MYO5A: variants seen among roughly 807,000 people sequenced by gnomAD.
MYO5A encodes unconventional myosin-Va.
A neutral mutation model predicts 249.7 loss-of-function variants in MYO5A; 98 were observed. The observed-to-expected ratio is 0.39, with a 90% CI of 0.33 to 0.46. The LOEUF (loss-of-function observed/expected upper bound fraction) is 0.46, where lower values mean the gene tolerates loss of function less well. Among genes scored for constraint, MYO5A ranks in the 20% least tolerant of loss-of-function variants. MYO5A has a pLI of 0.98. For missense variants in MYO5A, 1,696 were observed against 2,308.8 expected (o/e 0.73, Z 5.44); for synonymous variants, 778 against 810.6 (o/e 0.96, Z 0.68).
chr15:52,442,727 T>C (rs1397324412), intron 1 of MYO5A, among the ~76,000 whole-genome samples: 1 of 151,680 alleles, frequency 6.6e-6, no homozygotes, highest in Non-Finnish European at 1.5e-5. Context: ...TCTACTCCAC[T>C]ATGCCCACCC....
intron 36 of MYO5A, among the ~76,000 whole-genome samples, chr15:52,325,742 C>T (rs1250733878): frequency 1.3e-5 from 2 of 151,972 alleles, no homozygotes; most frequent in Non-Finnish European, 2.9e-5. Flanking sequence ...AATTTGAACA[C>T]TAAGGGTATC....
chr15:52,418,626 T>C (rs1486283954), intron 4 of MYO5A, among the ~76,000 whole-genome samples: 1 of 151,922 alleles, frequency 6.6e-6, no homozygotes, highest in African/African-American at 2.4e-5. Flanking sequence ...TATATGATCA[T>C]TAGGAGAAAA....
chr15:52,461,971 A>G (rs1240220825), intron 1 of MYO5A, among the ~76,000 whole-genome samples: 1 of 151,132 alleles, frequency 6.6e-6, no homozygotes, highest in Non-Finnish European at 1.5e-5. Flanking sequence ...TCTCAAAAAA[A>G]AAAAAGTTTG....
At chr15:52,330,267 G>A in intron 35 of MYO5A, 86 bp downstream of exon 35, 1 of 1,547,558 alleles carries the variant, frequency 6.5e-7, no homozygotes, top group Non-Finnish European at 8.9e-7. Context: ...AACCTACGCT[G>A]AATATCTCAA....
At chr15:52,405,967 A>G (rs1595613534) in intron 8 of MYO5A, among the ~76,000 whole-genome samples, 1 of 152,238 alleles carries the variant, frequency 6.6e-6, no homozygotes, top group South Asian at 2.1e-4. Flanking sequence ...TATAAGTCAA[A>G]GAGACGCCAA....
intron 1 of MYO5A, among the ~76,000 whole-genome samples, chr15:52,494,097 A>G (rs1175119210): frequency 2.6e-5 from 4 of 152,212 alleles, no homozygotes; most frequent in Non-Finnish European, 5.9e-5. Flanking sequence ...GGACCAGAGC[A>G]AATCAGCAAT....
At chr15:52,462,835 G>T (rs1053219051) in intron 1 of MYO5A, among the ~76,000 whole-genome samples, 1 of 147,746 alleles carries the variant, frequency 6.8e-6, no homozygotes. Flanking sequence ...GCGACAGCGA[G>T]AATCCGTCTT....
chr15:52,359,116 C>T (rs2040394134), intron 25 of MYO5A, among the ~76,000 whole-genome samples: 1 of 152,164 alleles, frequency 6.6e-6, no homozygotes, highest in South Asian at 2.1e-4. Flanking sequence ...AACTATGTAA[C>T]ATTTTTCTTC....
At chr15:52,528,234 G>C (rs969487720) in intron 1 of MYO5A, among the ~76,000 whole-genome samples, 4 of 152,168 alleles carry the variant, frequency 2.6e-5, no homozygotes, top group Non-Finnish European at 5.9e-5. Flanking sequence ...ATCTTTCCCC[G>C]GGGCTCGCCA....
At chr15:52,528,652 AGGCGCTGAAGGGGAT>A in intron 1 of MYO5A, 113 bp downstream of exon 1, 1 of 1,104,892 alleles carries the variant, frequency 9.1e-7, no homozygotes, top group Non-Finnish European at 1.2e-6. Context: ...GAGGGTTCTG[AGGCGCTGAAGGGGAT>A]GGCGCTGGTG....
At chr15:52,497,424 G>GATAAATAAATAAATAA (rs71130165) in intron 1 of MYO5A, among the ~76,000 whole-genome samples, 2 of 147,344 alleles carry the variant, frequency 1.4e-5, no homozygotes, top group Non-Finnish European at 1.5e-5. Flanking sequence ...TAAATAAATA[G>GATAAATAAATAAATAA]ATAAATAAAT....
rs777654534 is a variant in MYO5A at position 52,376,352 on chromosome 15, G to T, written c.2415C>A (p.Ala805=). Residue 805 remains alanine, a synonymous_variant, in exon 19 of 42, where the codon GCC becomes GCA. Coordinates refer to ENST00000399233, the MANE Select transcript of MYO5A (RefSeq NM_001382347.1). ...TMQRYVRGYQ[A]RCYAKFLRRT... is the part of the protein sequence containing the mutation. ...TCTGTCCCCAGGAGACCTACCATCGGGCCTGGTAGCCCCGCACGTATCTCT... is the reference window on the plus strand; with the variant it reads ...TCTGTCCCCAGGAGACCTACCATCGTGCCTGGTAGCCCCGCACGTATCTCT... The T allele has an allele frequency of 1.2e-6, 2 of 1,613,880 alleles. No homozygotes were observed. The highest frequency in any genetic ancestry group is 2.2e-5 in the South Asian group (2 of 91,060).
intron 4 of MYO5A, among the ~76,000 whole-genome samples, chr15:52,423,562 A>AAG (rs1567112476): frequency 1.3e-5 from 2 of 149,188 alleles, no homozygotes; most frequent in African/African-American, 2.5e-5. Context: ...AAAAAAAAAA[A>AAG]AAAAGAAAAC....
intron 1 of MYO5A, among the ~76,000 whole-genome samples, chr15:52,447,769 A>C (rs1476632621): frequency 1.3e-5 from 2 of 152,248 alleles, no homozygotes; most frequent in Non-Finnish European, 2.9e-5. Context: ...TGCTTTAGGA[A>C]AGAGACTGAT....
intron 31 of MYO5A, among the ~76,000 whole-genome samples, chr15:52,342,318 T>G (rs1443286901): frequency 6.6e-6 from 1 of 152,100 alleles, no homozygotes; most frequent in Non-Finnish European, 1.5e-5. Flanking sequence ...GTGATCATGC[T>G]ACTGCACTCA....
intron 16 of MYO5A, 37 bp downstream of exon 16, chr15:52,383,054 T>C (rs574439339): frequency 8.6e-6 from 13 of 1,509,070 alleles, no homozygotes; most frequent in Non-Finnish European, 1.2e-5. Flanking sequence ...TCTTATAAGA[T>C]ATGTACTTTT....
intron 1 of MYO5A, among the ~76,000 whole-genome samples, chr15:52,436,985 C>T (rs10518692): frequency 3.2e-4 from 49 of 152,202 alleles, no homozygotes; most frequent in East Asian, 2.9e-3. Flanking sequence ...CAAAGGCTTA[C>T]GCACATAGAA....
At chr15:52,340,098 GT>G in intron 32 of MYO5A, 97 bp downstream of exon 32, 3 of 1,344,086 alleles carry the variant, frequency 2.2e-6, no homozygotes, top group South Asian at 1.2e-5. Flanking sequence ...AGAGGGGTGA[GT>G]TTTTCCCAGC....
chr15:52,375,243 A>G, intron 20 of MYO5A, 61 bp downstream of exon 20: 1 of 1,544,472 alleles, frequency 6.5e-7, no homozygotes, highest in Non-Finnish European at 8.9e-7. Context: ...TACTCTGTAT[A>G]GATGTGAAAT....
Sources: gnomAD v4.1 joint callset for allele counts (sites outside exome capture counted in the v4.1 genomes callset) on GRCh38, gnomAD v4.1.1 for gene constraint, MANE v1.5 for transcripts, NCBI Gene and HGNC (gene_info 2026-07-23, HGNC 2026-07-21) for gene names.